The following SANBR variants were observed in gnomAD, a reference collection of about 807,000 sequenced individuals.
The protein encoded by SANBR is SANT and BTB domain regulator of CSR.
A neutral mutation model predicts 101.8 loss-of-function variants in SANBR; 77 were observed. The ratio of observed to expected loss-of-function variants is 0.76; its 90% confidence interval spans 0.63 to 0.91. The LOEUF is 0.91. Among genes scored for constraint, SANBR ranks in the 40% least tolerant of loss-of-function variants. SANBR has a pLI of 0.00. For synonymous variants in SANBR, 279 were observed against 274.7 expected, an observed-to-expected ratio of 1.02 and a Z score of -0.15; for missense variants, 875 against 853.0, an observed-to-expected ratio of 1.03 and a Z score of -0.32.
At chr2:61,134,307 G>C in intron 21 of SANBR, 1 of 1,528,838 alleles carries the variant, frequency 6.5e-7, no homozygotes, top group Non-Finnish European at 8.8e-7. Flanking sequence ...GCTATTATTA[G>C]TAGACCACAT....
intron 16 of SANBR, among the ~76,000 whole-genome samples, chr2:61,112,378 A>AT (rs1683871463): frequency 6.6e-6 from 1 of 151,872 alleles, no homozygotes. Flanking sequence ...TTATTGGATC[A>AT]TTTGCCTTAT....
intron 14 of SANBR, among the ~76,000 whole-genome samples, chr2:61,107,898 A>T (rs1683652234): frequency 6.6e-6 from 1 of 152,128 alleles, no homozygotes; most frequent in Non-Finnish European, 1.5e-5. Flanking sequence ...AAAAAAAAAA[A>T]ATTCACACAT....
At chr2:61,137,193 A>G (rs1684878342) in intron 21 of SANBR, among the ~76,000 whole-genome samples, 1 of 152,142 alleles carries the variant, frequency 6.6e-6, no homozygotes, top group Non-Finnish European at 1.5e-5. Flanking sequence ...TGGGAGGCTC[A>G]CTTAAGCCCA....
chr2:61,106,550 T>G lies in SANBR; in HGVS notation c.1512-13T>G, dbSNP rs1573644721. On this transcript the variant is annotated splice_polypyrimidine_tract_variant and intron_variant, in intron 13 of 21. Coordinates refer to ENST00000402291, the MANE Select transcript of SANBR (RefSeq NM_001129993.3). ...GTAAACTCTTCTCCGTAAAAATGTCTTTTTCTTTCAAGTGATGTTGGGGTT... is the reference window on the plus strand; with the variant it reads ...GTAAACTCTTCTCCGTAAAAATGTCGTTTTCTTTCAAGTGATGTTGGGGTT... 8 of 1,539,738 alleles carry G rather than the reference T, an allele frequency of 5.2e-6. No individual in the cohort carries two copies. The East Asian group carries it at 1.1e-4, about 22-fold the overall frequency.
In SANBR at chr2:61,121,195, G is replaced by A. The variant is rs1684315804; in HGVS notation, c.2039G>A (p.Gly680Asp). Residue 680 changes from glycine to aspartate, a missense_variant, in exon 21 of 22, where the codon GGT becomes GAT. Physicochemically the swap from Gly to Asp is moderately conservative, Grantham distance 94 (BLOSUM62 -1). Transcript: ENST00000402291. ...TTCTTTATTCTGCAGTTTGCAGGAG[G>A]TATTTATTCCAGGCTGGAAGCACAA... ...KSKEAKEFAG[G>D]IYSRLEAQIK... The A allele has an allele frequency of 9.0e-6, 14 of 1,550,416 alleles. No individual in the cohort carries two copies. Among genetic ancestry groups the A allele is most frequent in the South Asian group, 1.2e-5 (1 of 84,038 alleles).
Position 61,083,161 on chromosome 2 carries a change from A to G in SANBR, c.737A>G (p.Gln246Arg). The G allele has an allele frequency of 1.2e-6, 2 of 1,606,246 alleles. No homozygotes were observed. Among genetic ancestry groups the G allele is most frequent in the Non-Finnish European group, 1.7e-6 (2 of 1,175,762 alleles). Residue 246 changes from glutamine (Q) to arginine (R), a missense_variant, in exon 8 of 22, where the codon CAG (glutamine) becomes CGG (arginine). Coordinates refer to ENST00000402291, the MANE Select transcript of SANBR (RefSeq NM_001129993.3). ...EFLKMDSLVE[Q>R]CIQYCHKNMN... The stretch of plus-strand genomic sequence containing the variant: ...TTTTCTATGATTTTTTAGGTTGAAC[A>G]GTGTATTCAGTATTGCCACAAAAAT...
intron 16 of SANBR, 104 bp downstream of exon 16, chr2:61,109,400 G>T (rs1683714677): frequency 5.5e-6 from 3 of 549,342 alleles, no homozygotes; most frequent in East Asian, 3.1e-5. Context: ...TAGAGAGTAG[G>T]TTGCAACATA....
chr2:61,073,870 T>TTAG (rs1681614978), intron 5 of SANBR, among the ~76,000 whole-genome samples: 1 of 152,136 alleles, frequency 6.6e-6, no homozygotes, highest in South Asian at 2.1e-4. Context: ...TTCTCCGACT[T>TTAG]TACTAAAGAA....
Position 61,092,417 on chromosome 2 carries a change from C to T in SANBR, c.1089-47C>T, listed in dbSNP as rs370184644. 1.1e-4 allele frequency: 152 copies of T among 1,390,454 alleles called. No homozygotes were observed. In the South Asian group the frequency reaches 1.3e-3, roughly 12 times the overall value. The allele number at this position is 1,390,454 out of a possible 1,614,324, so 86.1% of individuals were successfully genotyped here. A position where few individuals can be genotyped will look rare whatever the true frequency, so the allele number is the denominator to read the frequency against. On this transcript the variant is annotated intron_variant, in intron 10 of 21. Transcript: ENST00000402291. ...ATAATAATTAAATAAATAAATAAAA[C>T]AAATTGTTTATATCACTTGCTTGTA... is the stretch of plus-strand genomic sequence containing the variant.
chr2:61,095,032 G>A (rs191756007), intron 11 of SANBR, among the ~76,000 whole-genome samples: 36 of 152,236 alleles, frequency 2.4e-4, no homozygotes, highest in Admixed American at 6.5e-4. Flanking sequence ...CCAAAGTCCC[G>A]GAACCATTTT....
chr2:61,101,723 G>A (rs1302998863), intron 12 of SANBR, among the ~76,000 whole-genome samples: 12 of 144,484 alleles, frequency 8.3e-5, no homozygotes, highest in African/African-American at 3.1e-4. Context: ...GCGAGACTCC[G>A]TCTGAAAAAA....
At position 61,123,992 on chromosome 2, in the gene SANBR, G is replaced by A. The variant is rs1449477861; in HGVS notation, c.*1830G>A. 3 of 334,124 alleles carry A rather than the reference G, an allele frequency of 9.0e-6. No homozygotes were observed. Among genetic ancestry groups the A allele is most frequent in the Non-Finnish European group, 1.3e-5 (3 of 234,878 alleles). The allele number at this position is 334,124 out of a possible 1,614,324, so 20.7% of individuals were successfully genotyped here. On this transcript the variant is annotated 3_prime_UTR_variant, in exon 22 of 22. Coordinates refer to ENST00000402291, the MANE Select transcript of SANBR (RefSeq NM_001129993.3). Reference sequence around the variant, plus strand: ...ACCTGTAGTCCCAGCTACTCGGGAGGCTGAGGCACAAGAATTGTTTGAACC... The same window carrying A: ...ACCTGTAGTCCCAGCTACTCGGGAGACTGAGGCACAAGAATTGTTTGAACC...
chr2:61,067,296 A>T (rs1318331703), intron 1 of SANBR, among the ~76,000 whole-genome samples: 1 of 152,236 alleles, frequency 6.6e-6, no homozygotes, highest in Non-Finnish European at 1.5e-5. Context: ...CACATTTGAA[A>T]TGTAAGCTTT....
At chr2:61,076,665 T>G (rs185364261) in intron 5 of SANBR, among the ~76,000 whole-genome samples, 18 of 151,944 alleles carry the variant, frequency 1.2e-4, no homozygotes, top group African/African-American at 3.6e-4. Context: ...AATTAGAAAT[T>G]TCAAACTGTG....
In SANBR at chr2:61,123,127, G is replaced by T; in HGVS notation, c.*965G>T. The T allele has an allele frequency of 1.0e-6, 1 of 978,328 alleles. No homozygotes were observed. Among genetic ancestry groups the T allele is most frequent in the African/African-American group, 1.7e-5 (1 of 57,162 alleles). The allele number at this position is 978,328 out of a possible 1,614,324, so 60.6% of individuals were successfully genotyped here. ...TATAAATCATGTTTAAATTTTTCTA[G>T]CCAGGCAGAAAGAGTGCTCAGGGAA... On this transcript the variant is annotated 3_prime_UTR_variant, in exon 22 of 22. Coordinates refer to ENST00000402291, the MANE Select transcript of SANBR (RefSeq NM_001129993.3).
intron 6 of SANBR, among the ~76,000 whole-genome samples, chr2:61,080,653 G>A (rs1303595904): frequency 2.0e-5 from 3 of 151,948 alleles, no homozygotes; most frequent in African/African-American, 7.3e-5. Context: ...CCCGGGAGGC[G>A]GAGGTTGCAG....
chr2:61,087,563 A>T (rs1682502769), intron 8 of SANBR, among the ~76,000 whole-genome samples: 1 of 152,050 alleles, frequency 6.6e-6, no homozygotes, highest in African/African-American at 2.4e-5. Flanking sequence ...CTAAAAAAAT[A>T]AAATAAGGCC....
intron 8 of SANBR, among the ~76,000 whole-genome samples, chr2:61,087,195 C>T (rs1157668908): frequency 2.6e-5 from 4 of 152,060 alleles, no homozygotes; most frequent in African/African-American, 9.7e-5. Flanking sequence ...AGATCATATA[C>T]CTAGTTATTG....
intron 16 of SANBR, among the ~76,000 whole-genome samples, chr2:61,110,860 A>G (rs894290140): frequency 6.7e-6 from 1 of 149,326 alleles, no homozygotes; most frequent in African/African-American, 2.5e-5. Flanking sequence ...AAAAAAAAAA[A>G]GTTAAAAGAA....
Sources: gnomAD v4.1 joint callset for allele counts (sites outside exome capture counted in the v4.1 genomes callset) on GRCh38, gnomAD v4.1.1 for gene constraint, MANE v1.5 for transcripts, NCBI Gene and HGNC (gene_info 2026-07-23, HGNC 2026-07-21) for gene names.